Variants in MAP4K3 observed in about 807,000 individuals in gnomAD.
The protein encoded by MAP4K3 is MAPK/ERK kinase kinase kinase 3.
Under a neutral mutation model 143.5 loss-of-function variants are expected in MAP4K3, and 94 were observed. The ratio of observed to expected loss-of-function variants is 0.65; its 90% CI spans 0.55 to 0.78. The LOEUF is 0.78. Ranked by LOEUF, MAP4K3 falls within the 30% of genes least tolerant of loss-of-function variation. MAP4K3 has a pLI of 0.00. For synonymous variants in MAP4K3, 416 were observed against 347.2 expected (o/e 1.20, Z -2.20); for missense variants, 1,077 against 1,068.1 (o/e 1.01, Z -0.12).
chr2:39,332,081 T>A (rs559267136), intron 7 of MAP4K3, 92 bp from the exon 8 acceptor site: 1 of 634,912 alleles, frequency 1.6e-6, no homozygotes, highest in African/African-American at 1.8e-5. Context: ...GTTATTTTTA[T>A]TAAGTTAATT....
intron 1 of MAP4K3, among the ~76,000 whole-genome samples, chr2:39,411,400 T>C (rs1027278981): frequency 2.0e-5 from 3 of 152,166 alleles, no homozygotes; most frequent in Non-Finnish European, 4.4e-5. Flanking sequence ...CTCCATTTCA[T>C]GATGTGAGCA....
intron 28 of MAP4K3, among the ~76,000 whole-genome samples, chr2:39,261,999 A>T (rs768033204): frequency 6.6e-6 from 1 of 152,162 alleles, no homozygotes; most frequent in East Asian, 1.9e-4. Flanking sequence ...TTTTCTTCAC[A>T]AATTAAAAAA....
intron 26 of MAP4K3, among the ~76,000 whole-genome samples, chr2:39,269,577 C>T (rs930602359): frequency 2.0e-5 from 3 of 147,858 alleles, no homozygotes; most frequent in African/African-American, 7.5e-5. Context: ...TGGGTTCAGG[C>T]AATTCTCCTG....
chr2:39,258,467 C>G (rs1680434252), intron 30 of MAP4K3, 27 bp from the exon 31 acceptor site: 1 of 1,601,528 alleles, frequency 6.2e-7, no homozygotes, highest in East Asian at 2.2e-5. Context: ...CACTCAGAAA[C>G]TAAGATAAAA....
chr2:39,334,963 T>A (rs950655561), intron 6 of MAP4K3, among the ~76,000 whole-genome samples: 3 of 151,844 alleles, frequency 2.0e-5, no homozygotes, highest in African/African-American at 7.3e-5. Context: ...CTGGGTGAAG[T>A]AAGGGTACAG....
intron 8 of MAP4K3, among the ~76,000 whole-genome samples, chr2:39,328,772 G>A (rs910286880): frequency 4.6e-5 from 7 of 151,990 alleles, no homozygotes; most frequent in Admixed American, 1.3e-4. Flanking sequence ...GGGTGTGTGT[G>A]GTTTGCATTA....
At chr2:39,298,402 T>C (rs1199051652) in intron 16 of MAP4K3, among the ~76,000 whole-genome samples, 2 of 152,180 alleles carry the variant, frequency 1.3e-5, no homozygotes, top group Admixed American at 6.5e-5. Context: ...AAAACTCTGA[T>C]AGTATTTAAC....
chr2:39,401,378 G>C (rs775315677), intron 1 of MAP4K3, among the ~76,000 whole-genome samples: 2 of 152,142 alleles, frequency 1.3e-5, no homozygotes, highest in Non-Finnish European at 2.9e-5. Flanking sequence ...GCTCTCATCG[G>C]CCAGACTGGA....
At chr2:39,393,557 G>A (rs1250757341) in intron 1 of MAP4K3, among the ~76,000 whole-genome samples, 1 of 151,660 alleles carries the variant, frequency 6.6e-6, no homozygotes, top group African/African-American at 2.4e-5. Flanking sequence ...TTTTGCGCAG[G>A]GCCCATGCTA....
At chr2:39,369,856 T>G (rs1666032922) in intron 2 of MAP4K3, among the ~76,000 whole-genome samples, 1 of 152,326 alleles carries the variant, frequency 6.6e-6, no homozygotes, top group South Asian at 2.1e-4. Context: ...CAGTGACCCA[T>G]GAATTAAGTC....
Position 39,292,789 on chromosome 2 carries a change from C to T in MAP4K3, c.1255G>A (p.Asp419Asn). Residue 419 changes from aspartate to asparagine, a missense_variant, in exon 18 of 34, where the codon GAT (aspartate) becomes AAT (asparagine). Physicochemically the swap from Asp to Asn is conservative, Grantham distance 23. Around this residue, in one of 2 missense-constraint regions of MAP4K3, gnomAD observed 864 missense variants for 801.2 expected, o/e 1.08. Transcript: ENST00000263881. ...VAHLEDDEGDDDESKHSTLKA... is the reference protein window; with the variant it reads ...VAHLEDDEGDNDESKHSTLKA... ...AGAACTTACTGTTTAGATTCATCAT[C>T]ATCTCCTTCATCATCTTCTAAATGT... is the stretch of plus-strand genomic sequence containing the variant. 6.2e-7 allele frequency: 1 copy of T among 1,613,208 alleles called. No homozygotes were observed.
intron 21 of MAP4K3, among the ~76,000 whole-genome samples, chr2:39,284,397 A>G (rs1030909278): frequency 1.3e-5 from 2 of 151,962 alleles, no homozygotes; most frequent in Non-Finnish European, 2.9e-5. Context: ...CTGGCCTTAA[A>G]TGATCCACCT....
rs961273061 is a variant in MAP4K3 at position 39,341,696 on chromosome 2, T to A, written c.310+1692A>T. Reference sequence around the variant, plus strand: ...TCAGCAAAAGGGAAATTAAACCAATTAGTAAGGAAATCAATAATAGAGAAA... The same window carrying A: ...TCAGCAAAAGGGAAATTAAACCAATAAGTAAGGAAATCAATAATAGAGAAA... On this transcript the variant is annotated intron_variant, in intron 4 of 33. Coordinates refer to ENST00000263881, the MANE Select transcript of MAP4K3 (RefSeq NM_003618.4). Among the ~76,000 whole-genome samples, 31 of 151,038 alleles carry A rather than the reference T, an allele frequency of 2.1e-4. 1 individual carries two copies. Among genetic ancestry groups the A allele is most frequent in the African/African-American group, 7.5e-4 (31 of 41,138 alleles).
intron 12 of MAP4K3, among the ~76,000 whole-genome samples, chr2:39,315,837 C>G (rs1484531577): frequency 6.6e-6 from 1 of 151,952 alleles, no homozygotes; most frequent in East Asian, 1.9e-4. Context: ...GATGGTTGAG[C>G]TTAGAAGCCT....
chr2:39,291,191 TG>T (rs1682032399), intron 18 of MAP4K3, among the ~76,000 whole-genome samples: 1 of 152,230 alleles, frequency 6.6e-6, no homozygotes, highest in African/African-American at 2.4e-5. Context: ...CTAATTACCC[TG>T]ATCAGATCAC....
At chr2:39,276,508 A>G (rs1406053180) in intron 24 of MAP4K3, among the ~76,000 whole-genome samples, 1 of 152,232 alleles carries the variant, frequency 6.6e-6, no homozygotes, top group Non-Finnish European at 1.5e-5. Context: ...ATCTGGAGCT[A>G]GCTTGCCTAG....
intron 31 of MAP4K3, 38 bp from the exon 32 acceptor site, chr2:39,254,558 CA>C: frequency 6.6e-7 from 1 of 1,521,048 alleles, no homozygotes; most frequent in Non-Finnish European, 9.1e-7. Flanking sequence ...GTTAATAGTA[CA>C]AAAGTTCAAC....
chr2:39,342,901 T>G (rs183987275), intron 4 of MAP4K3, among the ~76,000 whole-genome samples: 106 of 152,332 alleles, frequency 7.0e-4, no homozygotes, highest in African/African-American at 2.5e-3. Flanking sequence ...AAAGGCTATT[T>G]TACTTTACAA....
At chr2:39,268,632 C>CTATTT (rs1680876181) in intron 26 of MAP4K3, among the ~76,000 whole-genome samples, 1 of 45,736 alleles carries the variant, frequency 2.2e-5, no homozygotes, top group Non-Finnish European at 5.7e-5. Context: ...AAGATTTTTT[C>CTATTT]TATTTTTTTT....
Sources: gnomAD v4.1 joint callset for allele counts (sites outside exome capture counted in the v4.1 genomes callset) on GRCh38, gnomAD v4.1.1 for gene constraint, gnomAD v4.1.1 regional missense constraint, MANE v1.5 for transcripts, NCBI Gene and HGNC (gene_info 2026-07-23, HGNC 2026-07-21) for gene names.